The following ANK3 variants were observed in gnomAD, a reference collection of about 807,000 sequenced individuals.
ANK3 encodes ankyrin 3.
ANK3 carries 57 observed loss-of-function variants against 370.9 expected under a neutral mutation model. The ratio of observed to expected loss-of-function variants is 0.15; its 90% confidence interval spans 0.12 to 0.19. The LOEUF is 0.19. Ranked by LOEUF, ANK3 falls within the 10% of genes least tolerant of loss-of-function variation. The pLI, the probability that ANK3 is intolerant of heterozygous loss-of-function variation, is 1.00. For synonymous variants in ANK3, 1,929 were observed against 1,946.3 expected, an observed-to-expected ratio of 0.99 and a Z score of 0.23; for missense variants, 4,439 against 5,302.1, an observed-to-expected ratio of 0.84 and a Z score of 5.06.
intron 2 of ANK3, among the ~76,000 whole-genome samples, chr10:60,520,772 T>C (rs1379169075): frequency 6.6e-6 from 1 of 152,150 alleles, no homozygotes; most frequent in Non-Finnish European, 1.5e-5. Flanking sequence ...AGAAATTATT[T>C]GTCCTTCTAA....
chr10:60,240,195 C>CAT (rs1565917043), intron 7 of ANK3, among the ~76,000 whole-genome samples: 3 of 130,522 alleles, frequency 2.3e-5, no homozygotes, highest in Admixed American at 7.9e-5. Flanking sequence ...CATATATATA[C>CAT]ACACACACAT....
chr10:60,575,962 G>A (rs2077677309), intron 2 of ANK3, among the ~76,000 whole-genome samples: 1 of 152,124 alleles, frequency 6.6e-6, no homozygotes, highest in Admixed American at 6.5e-5. Context: ...ATTGCTCTGT[G>A]TAAAAGAGTA....
At chr10:60,201,854 T>G (rs965997984) in intron 12 of ANK3, among the ~76,000 whole-genome samples, 1 of 151,602 alleles carries the variant, frequency 6.6e-6, no homozygotes, top group African/African-American at 2.4e-5. Flanking sequence ...TGGAATTACA[T>G]GCATGCACCA....
At position 60,159,361 on chromosome 10, in the gene ANK3, A is replaced by G. The variant is rs578058251; in HGVS notation, c.2614+7230T>C. On this transcript the variant is annotated intron_variant, in intron 23 of 43. Transcript: ENST00000280772. ...TATATAATGATAAAGGAATTAATTCAGCAAGGGGATATATAAATTATAAAT... is the reference window on the plus strand; with the variant it reads ...TATATAATGATAAAGGAATTAATTCGGCAAGGGGATATATAAATTATAAAT... 2.6e-5 allele frequency among the ~76,000 whole-genome samples: 4 copies of G among 152,334 alleles called. No homozygotes were observed. In the East Asian group the frequency reaches 7.7e-4, roughly 29 times the overall value.
At chr10:60,322,108 T>C (rs2048802063) in intron 1 of ANK3, among the ~76,000 whole-genome samples, 1 of 152,152 alleles carries the variant, frequency 6.6e-6, no homozygotes, top group African/African-American at 2.4e-5. Flanking sequence ...ATAAAGACAT[T>C]TGGTATAAGC....
intron 1 of ANK3, among the ~76,000 whole-genome samples, chr10:60,677,830 A>T (rs747214319): frequency 6.6e-6 from 1 of 151,924 alleles, no homozygotes; most frequent in Non-Finnish European, 1.5e-5. Flanking sequence ...AGAAAGAAAA[A>T]CCACCACCAC....
chr10:60,436,421 T>C (rs2064159568), intron 2 of ANK3, among the ~76,000 whole-genome samples: 1 of 152,248 alleles, frequency 6.6e-6, no homozygotes, highest in Admixed American at 6.5e-5. Flanking sequence ...CTATTTTACA[T>C]TTCTACCAGC....
intron 7 of ANK3, among the ~76,000 whole-genome samples, chr10:60,238,045 C>A (rs2097361645): frequency 6.6e-6 from 1 of 152,196 alleles, no homozygotes; most frequent in African/African-American, 2.4e-5. Context: ...CTGTCAAATG[C>A]AGCTTCCAAT....
chr10:60,356,329 T>C (rs574135855), intron 1 of ANK3, among the ~76,000 whole-genome samples: 10 of 152,364 alleles, frequency 6.6e-5, no homozygotes, highest in African/African-American at 2.4e-4. Flanking sequence ...CATGTATCTA[T>C]ATACTGGATT....
At chr10:60,304,567 C>G (rs1307289290) in intron 1 of ANK3, among the ~76,000 whole-genome samples, 1 of 151,992 alleles carries the variant, frequency 6.6e-6, no homozygotes, top group Non-Finnish European at 1.5e-5. Context: ...CACTTGAACC[C>G]CAGAGGCGGA....
intron 1 of ANK3, among the ~76,000 whole-genome samples, chr10:60,311,606 G>T (rs2046372541): frequency 6.6e-6 from 1 of 152,098 alleles, no homozygotes; most frequent in African/African-American, 2.4e-5. Context: ...CAAATTCTCT[G>T]GTCTGGTCTC....
At chr10:60,115,728 G>A (rs769469491) in intron 25 of ANK3, among the ~76,000 whole-genome samples, 15 of 151,766 alleles carry the variant, frequency 9.9e-5, no homozygotes, top group Non-Finnish European at 2.1e-4. Flanking sequence ...AGCCCTAAAT[G>A]GAAAAATATA....
intron 2 of ANK3, among the ~76,000 whole-genome samples, chr10:60,569,173 AG>A (rs1488272286): frequency 6.6e-6 from 1 of 152,182 alleles, no homozygotes; most frequent in South Asian, 2.1e-4. Context: ...ATAATATCAG[AG>A]GGGGCAATAT....
intron 1 of ANK3, among the ~76,000 whole-genome samples, chr10:60,383,490 C>T (rs2061827605): frequency 6.6e-6 from 1 of 152,126 alleles, no homozygotes; most frequent in African/African-American, 2.4e-5. Flanking sequence ...CTCTATAGTT[C>T]ACACTCTTAA....
At chr10:60,695,681 T>C (rs1267140948) in intron 1 of ANK3, among the ~76,000 whole-genome samples, 1 of 152,136 alleles carries the variant, frequency 6.6e-6, no homozygotes, top group Non-Finnish European at 1.5e-5. Context: ...AAGGCAGAAA[T>C]AAAGATGTTC....
chr10:60,370,394 C>A (rs1044991919), intron 1 of ANK3, among the ~76,000 whole-genome samples: 1 of 152,106 alleles, frequency 6.6e-6, no homozygotes. Flanking sequence ...GGATGATTTT[C>A]TTCTAATTTT....
intron 10 of ANK3, among the ~76,000 whole-genome samples, chr10:60,206,524 A>C (rs2096765439): frequency 6.6e-6 from 1 of 152,290 alleles, no homozygotes; most frequent in African/African-American, 2.4e-5. Flanking sequence ...TTTCAAATAC[A>C]GACTGAAAAC....
intron 25 of ANK3, among the ~76,000 whole-genome samples, chr10:60,117,480 G>A (rs1022177953): frequency 5.3e-5 from 8 of 152,118 alleles, no homozygotes; most frequent in Admixed American, 2.6e-4. Flanking sequence ...AGGACATCAA[G>A]CAAGTGAAAA....
At chr10:60,475,120 C>T (rs1027621708) in intron 2 of ANK3, among the ~76,000 whole-genome samples, 1 of 152,130 alleles carries the variant, frequency 6.6e-6, no homozygotes, top group Non-Finnish European at 1.5e-5. Context: ...GAAAGTAGCA[C>T]ATTCATTTGA....
Sources: gnomAD v4.1 joint callset for allele counts (sites outside exome capture counted in the v4.1 genomes callset) on GRCh38, gnomAD v4.1.1 for gene constraint, MANE v1.5 for transcripts, NCBI Gene and HGNC (gene_info 2026-07-23, HGNC 2026-07-21) for gene names.